FRMD4A: variants seen among roughly 807,000 people sequenced by gnomAD.
FRMD4A encodes the protein FERM domain-containing protein 4A.
In FRMD4A, 29 loss-of-function variants were observed where a neutral mutation model predicts 129.1. The observed-to-expected ratio is 0.22, with a 90% CI of 0.17 to 0.31. The LOEUF (loss-of-function observed/expected upper bound fraction) is 0.31, where lower values mean the gene tolerates loss of function less well. FRMD4A is among the 10% of genes least tolerant of loss of function. The probability of loss-of-function intolerance (pLI) is 1.00; values close to 1 mark genes in which losing one functional copy is unlikely to be tolerated. For missense variants in FRMD4A, 1,272 were observed against 1,375.8 expected (o/e 0.92, Z 1.19); for synonymous variants, 634 against 571.6 (o/e 1.11, Z -1.56).
intron 2 of FRMD4A, among the ~76,000 whole-genome samples, chr10:13,932,802 T>C (rs1354408156): frequency 6.6e-6 from 1 of 152,164 alleles, no homozygotes; most frequent in African/African-American, 2.4e-5. Flanking sequence ...TAACCCAATG[T>C]GGGTTATTGT....
intron 6 of FRMD4A, among the ~76,000 whole-genome samples, chr10:13,764,189 G>A (rs1179310020): frequency 4.3e-5 from 6 of 138,110 alleles, no homozygotes; most frequent in African/African-American, 7.7e-5. Flanking sequence ...ATTTCCGTGT[G>A]TGTGTGTGTG....
At chr10:14,041,275 G>T (rs1644414304) in intron 2 of FRMD4A, among the ~76,000 whole-genome samples, 1 of 152,196 alleles carries the variant, frequency 6.6e-6, no homozygotes, top group African/African-American at 2.4e-5. Flanking sequence ...GCTTTTAAGG[G>T]AGTCTAACTT....
chr10:13,955,112 C>CTTTTTTTTTTTTTTTTTCT (rs71388139), intron 2 of FRMD4A, among the ~76,000 whole-genome samples: 1 of 102,974 alleles, frequency 9.7e-6, no homozygotes, highest in Non-Finnish European at 1.8e-5. Flanking sequence ...AATAATTCTG[C>CTTTTTTTTTTTTTTTTTCT]TTTTTTTTTT....
intron 2 of FRMD4A, among the ~76,000 whole-genome samples, chr10:13,882,141 T>A (rs2094554452): frequency 6.6e-6 from 1 of 151,740 alleles, no homozygotes; most frequent in Non-Finnish European, 1.5e-5. Context: ...GAATGCAGGG[T>A]GCTGAGGTGG....
At chr10:14,212,215 G>A (rs925485871) in intron 2 of FRMD4A, among the ~76,000 whole-genome samples, 2 of 152,314 alleles carry the variant, frequency 1.3e-5, no homozygotes, top group Non-Finnish European at 2.9e-5. Context: ...ATATCCAGTG[G>A]CACTGAGGAC....
At chr10:13,925,274 C>A (rs957335038) in intron 2 of FRMD4A, among the ~76,000 whole-genome samples, 1 of 152,098 alleles carries the variant, frequency 6.6e-6, no homozygotes, top group Admixed American at 6.5e-5. Context: ...ATCTTGACCA[C>A]TGGGCCAAAA....
chr10:14,007,688 G>C (rs998893245), intron 2 of FRMD4A, among the ~76,000 whole-genome samples: 3 of 152,180 alleles, frequency 2.0e-5, no homozygotes, highest in Non-Finnish European at 2.9e-5. Context: ...CAGCCCTGCT[G>C]CTCTAATGAG....
intron 5 of FRMD4A, among the ~76,000 whole-genome samples, chr10:13,790,229 A>G (rs565036823): frequency 6.6e-6 from 1 of 152,172 alleles, no homozygotes; most frequent in East Asian, 1.9e-4. Context: ...GGTGCCCATC[A>G]CAAAGACAAG....
intron 2 of FRMD4A, among the ~76,000 whole-genome samples, chr10:13,896,270 A>G (rs368017409): frequency 6.6e-6 from 1 of 152,196 alleles, no homozygotes; most frequent in East Asian, 1.9e-4. Context: ...GAACCAACCC[A>G]AATGCTAATC....
chr10:14,167,538 C>CAAAAAAAAAAA (rs59290414), intron 2 of FRMD4A, among the ~76,000 whole-genome samples: 1 of 57,580 alleles, frequency 1.7e-5, no homozygotes, highest in Non-Finnish European at 2.9e-5. Flanking sequence ...CTCCGTCTCT[C>CAAAAAAAAAAA]AAAAAAAAAA....
intron 2 of FRMD4A, among the ~76,000 whole-genome samples, chr10:13,990,131 A>G (rs1167351040): frequency 2.0e-5 from 3 of 152,090 alleles, no homozygotes; most frequent in Non-Finnish European, 4.4e-5. Flanking sequence ...CTGTTTTCCT[A>G]TTCTAGAAAG....
At chr10:13,750,069 G>GAAGGAAGGAAGA in intron 8 of FRMD4A, among the ~76,000 whole-genome samples, 1 of 55,656 alleles carries the variant, frequency 1.8e-5, no homozygotes, top group South Asian at 7.1e-4. Context: ...AGGAAGGAAG[G>GAAGGAAGGAAGA]AAGAAAGAAA....
intron 6 of FRMD4A, among the ~76,000 whole-genome samples, chr10:13,779,184 G>A (rs1170899621): frequency 1.3e-5 from 2 of 152,044 alleles, no homozygotes; most frequent in African/African-American, 4.8e-5. Context: ...AGGTGTGATG[G>A]CTGGTGCCTA....
intron 5 of FRMD4A, among the ~76,000 whole-genome samples, chr10:13,785,700 C>T (rs958637513): frequency 1.3e-5 from 2 of 151,964 alleles, no homozygotes; most frequent in Non-Finnish European, 2.9e-5. Context: ...TATACATATG[C>T]CATGTTGGTG....
chr10:13,789,129 C>A (rs2092934516), intron 5 of FRMD4A, among the ~76,000 whole-genome samples: 1 of 100,478 alleles, frequency 1.0e-5, no homozygotes, highest in Non-Finnish European at 2.6e-5. Context: ...GTTTCTGCAG[C>A]CAAGCCTCTG....
At chr10:13,921,731 A>G (rs7075279) in intron 2 of FRMD4A, among the ~76,000 whole-genome samples, 10,320 of 152,248 alleles carry the variant, frequency 0.068, 499 homozygotes, top group East Asian at 0.25. Context: ...CACATAAGGA[A>G]TGGAGTCTTG....
chr10:14,029,375 G>T (rs1200666150), intron 2 of FRMD4A, among the ~76,000 whole-genome samples: 1 of 151,938 alleles, frequency 6.6e-6, no homozygotes, highest in Non-Finnish European at 1.5e-5. Context: ...ATAGATTTCT[G>T]CAGCCCTGAA....
chr10:14,207,924 G>A (rs56367629), intron 2 of FRMD4A, among the ~76,000 whole-genome samples: 6,761 of 152,110 alleles, frequency 0.044, 243 homozygotes, highest in Non-Finnish European at 0.066. Context: ...TTGTTGGCTG[G>A]GCGCAGTAAC....
At chr10:14,323,644 C>T (rs1196982090) in intron 2 of FRMD4A, among the ~76,000 whole-genome samples, 3 of 152,184 alleles carry the variant, frequency 2.0e-5, no homozygotes, top group Non-Finnish European at 2.9e-5. Flanking sequence ...TAATACAGCT[C>T]TTCCTTTTTT....
Sources: allele counts gnomAD v4.1 joint callset (sites outside exome capture counted in the v4.1 genomes callset), GRCh38; gene constraint gnomAD v4.1.1; transcripts MANE v1.5; gene names NCBI Gene and HGNC (gene_info 2026-07-23, HGNC 2026-07-21).